The following ARFGEF3 variants were observed in gnomAD, a reference collection of about 807,000 sequenced individuals.
The protein encoded by ARFGEF3 is ARFGEF family member 3, also known as brefeldin A-inhibited guanine nucleotide-exchange protein 3.
In ARFGEF3, 96 loss-of-function variants were observed where a neutral mutation model predicts 221.7. The ratio of observed to expected loss-of-function variants is 0.43; its 90% CI spans 0.37 to 0.51. The LOEUF (loss-of-function observed/expected upper bound fraction) is 0.51. Among genes scored for constraint, ARFGEF3 ranks in the 20% least tolerant of loss-of-function variants. The pLI, the probability that ARFGEF3 is intolerant of heterozygous loss-of-function variation, is 0.00. For missense variants in ARFGEF3, 2,410 were observed against 2,789.9 expected, an observed-to-expected ratio of 0.86 and a Z score of 3.07; for synonymous variants, 1,145 against 1,126.8, an observed-to-expected ratio of 1.02 and a Z score of -0.32.
intron 4 of ARFGEF3, among the ~76,000 whole-genome samples, chr6:138,219,601 A>G (rs17067263): frequency 0.048 from 7,332 of 152,300 alleles, 260 homozygotes; most frequent in Admixed American, 0.07. Flanking sequence ...GGTTTGCAGA[A>G]TAAGGAGCAG....
intron 2 of ARFGEF3, among the ~76,000 whole-genome samples, chr6:138,189,354 C>T (rs980023630): frequency 2.0e-5 from 3 of 152,154 alleles, no homozygotes; most frequent in Non-Finnish European, 4.4e-5. Flanking sequence ...GAAGGTTTTA[C>T]GACATCCCTA....
intron 1 of ARFGEF3, among the ~76,000 whole-genome samples, chr6:138,163,297 G>T (rs1776655085): frequency 6.6e-6 from 1 of 152,090 alleles, no homozygotes; most frequent in Non-Finnish European, 1.5e-5. Context: ...CTAGAATATT[G>T]TCTAGGAAGT....
intron 22 of ARFGEF3, among the ~76,000 whole-genome samples, chr6:138,304,572 A>G (rs1269389726): frequency 1.3e-5 from 2 of 152,238 alleles, no homozygotes; most frequent in Non-Finnish European, 2.9e-5. Context: ...AAGTTTGACA[A>G]GGTATATCAC....
chr6:138,214,444 G>A (rs1777796303), intron 4 of ARFGEF3, among the ~76,000 whole-genome samples: 1 of 152,170 alleles, frequency 6.6e-6, no homozygotes, highest in African/African-American at 2.4e-5. Context: ...TGTTGGTCTG[G>A]ATATGCTATT....
At chr6:138,327,554 TTC>T (rs1382857041) in intron 31 of ARFGEF3, among the ~76,000 whole-genome samples, 1 of 152,222 alleles carries the variant, frequency 6.6e-6, no homozygotes, top group African/African-American at 2.4e-5. Context: ...GCTCACTATT[TTC>T]TTAGTCACAT....
At chr6:138,164,693 A>G (rs973946956) in intron 1 of ARFGEF3, among the ~76,000 whole-genome samples, 1 of 152,212 alleles carries the variant, frequency 6.6e-6, no homozygotes, top group East Asian at 1.9e-4. Context: ...CCTTACAAGA[A>G]TAGCTGTGAT....
Position 138,317,282 on chromosome 6 carries a change from G to A in ARFGEF3, c.4377G>A (p.Glu1459=), listed in dbSNP as rs762266191. 71 of 1,613,876 alleles carry A rather than the reference G, an allele frequency of 4.4e-5. No individual in the cohort carries two copies. Among genetic ancestry groups the A allele is most frequent in the Admixed American group, 1.2e-4 (7 of 60,006 alleles). The part of the protein sequence containing the change: ...GLIEVWIILL[E]QLTAAVSNCP... ...TAGAAGTCTGGATAATCCTGCTGGA[G>A]CAGCTGACAGCGGCTGTGTCCAATT... The change falls in exon 27 of 34, where the codon GAG becomes GAA. Residue 1459 remains glutamate (E), a synonymous_variant. Coordinates refer to ENST00000251691, the MANE Select transcript of ARFGEF3 (RefSeq NM_020340.5).
chr6:138,307,779 G>A (rs373401434), intron 23 of ARFGEF3, among the ~76,000 whole-genome samples: 1 of 152,156 alleles, frequency 6.6e-6, no homozygotes, highest in Non-Finnish European at 1.5e-5. Context: ...GAAATGGATG[G>A]GTACCCATAA....
chr6:138,238,530 A>G lies in ARFGEF3; in HGVS notation c.442A>G (p.Ser148Gly). The change falls in exon 6 of 34, where the codon AGC (serine) becomes GGC (glycine). Residue 148 changes from serine (S) to glycine (G), a missense_variant. Ser to Gly is a moderately conservative substitution (Grantham distance 56). This residue lies in a region of ARFGEF3 where 570 missense variants were observed against 586.9 expected (regional missense o/e 0.97). Coordinates refer to ENST00000251691, the MANE Select transcript of ARFGEF3 (RefSeq NM_020340.5). ...IAEVCIETYI[S>G]SCHQRSINTA... is the part of the protein sequence containing the mutation. ...ACAGGTGTGCATTGAGACGTACATA[A>G]GCAGCTGTCACCAGCGTAGCATAAA... The G allele has an allele frequency of 6.2e-7, 1 of 1,613,842 alleles. No homozygotes were observed. Among genetic ancestry groups the G allele is most frequent in the Non-Finnish European group, 8.5e-7 (1 of 1,179,766 alleles).
In ARFGEF3 at chr6:138,262,905, C is replaced by T; in HGVS notation, c.1422C>T (p.Ile474=). ...GAEWSRDSME[I]NEADFRWQRR... The stretch of plus-strand genomic sequence containing the variant: ...AGTGGAGCCGAGATTCCATGGAGAT[C>T]AATGAGGCTGACTTCCGCTGGCAGC... The change falls in exon 12 of 34, where the codon ATC becomes ATT. Residue 474 remains isoleucine (I), a synonymous_variant. Transcript: ENST00000251691. 1 of 1,612,430 alleles carries T rather than the reference C, an allele frequency of 6.2e-7. No homozygotes were observed. Among genetic ancestry groups the T allele is most frequent in the South Asian group, 1.1e-5 (1 of 90,872 alleles).
intron 22 of ARFGEF3, among the ~76,000 whole-genome samples, chr6:138,300,029 G>A (rs1256136504): frequency 2.6e-5 from 4 of 151,276 alleles, no homozygotes; most frequent in Non-Finnish European, 4.4e-5. Flanking sequence ...AAAGTTTCAA[G>A]GTACGTGAGC....
At chr6:138,276,284 G>A (rs564857325) in intron 12 of ARFGEF3, among the ~76,000 whole-genome samples, 60 of 152,318 alleles carry the variant, frequency 3.9e-4, no homozygotes, top group African/African-American at 1.4e-3. Flanking sequence ...TCTGCAGATG[G>A]CCTTAGGACC....
At chr6:138,222,194 GGAA>G (rs1394730102) in intron 4 of ARFGEF3, among the ~76,000 whole-genome samples, 3 of 152,106 alleles carry the variant, frequency 2.0e-5, no homozygotes, top group Admixed American at 1.3e-4. Context: ...GAGCCACATC[GGAA>G]GAAGAATTGT....
At chr6:138,251,563 G>T (rs1778583516) in intron 8 of ARFGEF3, among the ~76,000 whole-genome samples, 2 of 152,118 alleles carry the variant, frequency 1.3e-5, no homozygotes, top group African/African-American at 2.4e-5. Context: ...TCCAGATAAA[G>T]TTCCAGACAT....
chr6:138,293,960 C>G lies in ARFGEF3; in HGVS notation c.3369-33C>G, dbSNP rs865955015. 1.9e-6 allele frequency: 3 copies of G among 1,603,190 alleles called. 1 individual carries two copies. The Middle Eastern group carries it at 5.0e-4, about 267-fold the overall frequency. The stretch of plus-strand genomic sequence containing the variant: ...CCATAAAGACCTTGCTGAATTGTTT[C>G]CAAAGAACACATCTCTTTCTGTTTG... On this transcript the variant is annotated intron_variant, in intron 19 of 33. Coordinates refer to ENST00000251691, the MANE Select transcript of ARFGEF3 (RefSeq NM_020340.5).
chr6:138,226,822 C>G (rs893971130), intron 4 of ARFGEF3, among the ~76,000 whole-genome samples: 5 of 152,154 alleles, frequency 3.3e-5, no homozygotes, highest in African/African-American at 4.8e-5. Flanking sequence ...TTGGGAGCAT[C>G]AACAATTTCA....
At chr6:138,176,569 T>C (rs1776952384) in intron 2 of ARFGEF3, among the ~76,000 whole-genome samples, 1 of 152,252 alleles carries the variant, frequency 6.6e-6, no homozygotes, top group Admixed American at 6.5e-5. Flanking sequence ...AATATTGGTA[T>C]GTGAGGTTTT....
At chr6:138,201,903 A>G (rs940203209) in intron 2 of ARFGEF3, among the ~76,000 whole-genome samples, 3 of 152,168 alleles carry the variant, frequency 2.0e-5, no homozygotes, top group African/African-American at 7.2e-5. Context: ...TTTGTTCCCT[A>G]TTTTAATTTC....
rs1419572126 is a variant in ARFGEF3, at chr6:138,296,826, T to C, written c.3519T>C (p.Thr1173=). 6.2e-7 allele frequency: 1 copy of C among 1,613,904 alleles called. No individual in the cohort carries two copies. The highest frequency in any genetic ancestry group is 1.1e-5 in the South Asian group (1 of 91,052). Residue 1173 remains threonine, a synonymous_variant, in exon 21 of 34, where the codon ACT becomes ACC. Coordinates refer to ENST00000251691, the MANE Select transcript of ARFGEF3 (RefSeq NM_020340.5). Reference sequence around the variant, plus strand: ...TTCCTGTAGGAGAAGTTAAATCCACTCAAGACCGAAAAAGCGCCCTCCACC... The same window carrying C: ...TTCCTGTAGGAGAAGTTAAATCCACCCAAGACCGAAAAAGCGCCCTCCACC... The part of the protein sequence containing the change: ...SLAMPGEVKS[T]QDRKSALHLF...
Sources: allele counts gnomAD v4.1 joint callset (sites outside exome capture counted in the v4.1 genomes callset), GRCh38; gene constraint gnomAD v4.1.1; regional missense constraint gnomAD v4.1.1; transcripts MANE v1.5; gene names NCBI Gene and HGNC (gene_info 2026-07-23, HGNC 2026-07-21).